Variants in TPBGL observed in about 807,000 individuals in gnomAD.
TPBGL encodes the protein trophoblast glycoprotein-like.
For synonymous variants in TPBGL, 380 were observed against 314.8 expected, an observed-to-expected ratio of 1.21 and a Z score of -2.19; for missense variants, 685 against 609.4, an observed-to-expected ratio of 1.12 and a Z score of -1.31.
At position 75,241,763 on chromosome 11, in the gene TPBGL, C is replaced by G. The variant is rs1489315652; in HGVS notation, c.714C>G (p.Cys238Trp). 12 of 1,305,254 alleles carry G rather than the reference C, an allele frequency of 9.2e-6. No homozygotes were observed. The African/African-American group carries it at 1.7e-4, about 19-fold the overall frequency. The allele number at this position is 1,305,254 out of a possible 1,614,324, so 80.9% of individuals were successfully genotyped here. A position where few individuals can be genotyped will look rare whatever the true frequency, so the allele number is the denominator to read the frequency against. Residue 238 changes from cysteine (C) to tryptophan (W), a missense_variant, in exon 1 of 1, where the codon TGC (cysteine) becomes TGG (tryptophan). Cys to Trp is a radical substitution (Grantham distance 215). Coordinates refer to ENST00000562197, the MANE Select transcript of TPBGL (RefSeq NM_001195528.2). ...RLLLADNPLR[C>W]GCAARPLLAW... Reference sequence around the variant, plus strand: ...TGCTCGCCGACAACCCCCTGCGCTGCGGCTGTGCCGCACGCCCCCTGCTGG... The same window carrying G: ...TGCTCGCCGACAACCCCCTGCGCTGGGGCTGTGCCGCACGCCCCCTGCTGG...
In TPBGL at chr11:75,241,030, T is replaced by G; in HGVS notation, c.-20T>G. Reference sequence around the variant, plus strand: ...CTGGTGAGCGCGGCGGCCCGGGCGCTGGATGCGGGGGCGGCCGCGATGGCC... The same window carrying G: ...CTGGTGAGCGCGGCGGCCCGGGCGCGGGATGCGGGGGCGGCCGCGATGGCC... On this transcript the variant is annotated 5_prime_UTR_variant, in exon 1 of 1. Transcript: ENST00000562197. 2.5e-6 allele frequency: 3 copies of G among 1,213,678 alleles called. No individual in the cohort carries two copies. Among genetic ancestry groups the G allele is most frequent in the Non-Finnish European group, 3.1e-6 (3 of 978,816 alleles). 75.2% of individuals were successfully genotyped at this position (1,213,678 alleles called of 1,614,324 possible). A position where few individuals can be genotyped will look rare whatever the true frequency, so the allele number is the denominator to read the frequency against.
Position 75,241,429 on chromosome 11 carries a change from A to G in TPBGL, c.380A>G (p.His127Arg). Residue 127 changes from histidine (H) to arginine (R), a missense_variant, in exon 1 of 1, where the codon CAC becomes CGC. Coordinates refer to ENST00000562197, the MANE Select transcript of TPBGL (RefSeq NM_001195528.2). ...AGCCTGGCGGCGCTCGACCTCAGCC[A>G]CAACCCGCTGCGCGCCCTGGGCGGC... ...LPSLAALDLS[H>R]NPLRALGGGA... 1 of 1,314,426 alleles carries G rather than the reference A, an allele frequency of 7.6e-7. No homozygotes were observed. The highest frequency in any genetic ancestry group is 2.0e-5 in the South Asian group (1 of 50,772). 81.4% of individuals were successfully genotyped at this position (1,314,426 alleles called of 1,614,324 possible).
rs935310672 is a variant in TPBGL, at chr11:75,241,965, G to C, written c.916G>C (p.Ala306Pro). The C allele has an allele frequency of 2.7e-5, 41 of 1,497,368 alleles. No individual in the cohort carries two copies. The highest frequency in any genetic ancestry group is 1.9e-4 in the African/African-American group (13 of 70,128). 92.8% of individuals were successfully genotyped at this position (1,497,368 alleles called of 1,614,324 possible). ...GGAGGCCGCCGGCCCGGAGCTGGAA[G>C]CCTCCTACGTGTTCTTCGGGCTGGT... The part of the protein sequence containing the change: ...EAEAAGPELE[A>P]SYVFFGLVLA... Residue 306 changes from alanine (A) to proline (P), a missense_variant, in exon 1 of 1, where the codon GCC becomes CCC. Coordinates refer to ENST00000562197, the MANE Select transcript of TPBGL (RefSeq NM_001195528.2).
At position 75,241,709 on chromosome 11, in the gene TPBGL, C is replaced by T. The variant is rs1480774996; in HGVS notation, c.660C>T (p.Arg220=). ...LDPDELRALE[R]DGGLPGPRLL... ...CCGACGAGCTGCGCGCGCTGGAGCG[C>T]GATGGCGGCCTCCCCGGGCCGCGCC... The change falls in exon 1 of 1, where the codon CGC becomes CGT. Residue 220 remains arginine, a synonymous_variant. Transcript: ENST00000562197. 7.9e-7 allele frequency: 1 copy of T among 1,265,268 alleles called. No homozygotes were observed. 78.4% of individuals were successfully genotyped at this position (1,265,268 alleles called of 1,614,324 possible). A position where few individuals can be genotyped will look rare whatever the true frequency, so the allele number is the denominator to read the frequency against.
rs1199447760 is a variant in TPBGL at position 75,241,500 on chromosome 11, C to G, written c.451C>G (p.His151Asp). 1.6e-6 allele frequency: 2 copies of G among 1,230,648 alleles called. No individual in the cohort carries two copies. The highest frequency in any genetic ancestry group is 9.0e-5 in the Admixed American group (2 of 22,346). 76.2% of individuals were successfully genotyped at this position (1,230,648 alleles called of 1,614,324 possible). A position where few individuals can be genotyped will look rare whatever the true frequency, so the allele number is the denominator to read the frequency against. Residue 151 changes from histidine (H) to aspartate (D), a missense_variant, in exon 1 of 1, where the codon CAC (histidine) becomes GAC (aspartate). Physicochemically the swap from His to Asp is moderately conservative, Grantham distance 81. Transcript: ENST00000562197. ...LPALRSLQLN[H>D]ALVRGGPALL... is the part of the protein sequence containing the mutation. The stretch of plus-strand genomic sequence containing the variant: ...CGCGCTGCGCTCGCTGCAGCTCAAC[C>G]ACGCGCTGGTGCGCGGCGGCCCCGC...
chr11:75,241,700 G>A lies in TPBGL; in HGVS notation c.651G>A (p.Ala217=), dbSNP rs1945600607. 2.4e-6 allele frequency: 3 copies of A among 1,267,226 alleles called. No homozygotes were observed. The highest frequency in any genetic ancestry group is 1.6e-5 in the African/African-American group (1 of 62,664). 78.5% of individuals were successfully genotyped at this position (1,267,226 alleles called of 1,614,324 possible). ...GCCTGGACCCCGACGAGCTGCGCGC[G>A]CTGGAGCGCGATGGCGGCCTCCCCG... ...LAGLDPDELR[A]LERDGGLPGP... Residue 217 remains alanine, a synonymous_variant, in exon 1 of 1, where the codon GCG becomes GCA. Transcript: ENST00000562197.
chr11:75,242,085 G>C lies in TPBGL; in HGVS notation c.1036G>C (p.Asp346His). ...WMRNLREACR[D>H]QMEGYHYRYE... Reference sequence around the variant, plus strand: ...GCGCAACCTGCGCGAGGCGTGCCGGGACCAGATGGAGGGCTACCACTACCG... The same window carrying C: ...GCGCAACCTGCGCGAGGCGTGCCGGCACCAGATGGAGGGCTACCACTACCG... The change falls in exon 1 of 1, where the codon GAC becomes CAC. Residue 346 changes from aspartate (D) to histidine (H), a missense_variant. Coordinates refer to ENST00000562197, the MANE Select transcript of TPBGL (RefSeq NM_001195528.2). 1 of 1,434,448 alleles carries C rather than the reference G, an allele frequency of 7.0e-7. No individual in the cohort carries two copies. The highest frequency in any genetic ancestry group is 9.2e-7 in the Non-Finnish European group (1 of 1,089,888). 88.9% of individuals were successfully genotyped at this position (1,434,448 alleles called of 1,614,324 possible).
chr11:75,241,410 G>A lies in TPBGL; in HGVS notation c.361G>A (p.Ala121Thr), dbSNP rs953992364. 2 of 1,358,702 alleles carry A rather than the reference G, an allele frequency of 1.5e-6. No individual in the cohort carries two copies. The highest frequency in any genetic ancestry group is 1.9e-6 in the Non-Finnish European group (2 of 1,056,426). 84.2% of individuals were successfully genotyped at this position (1,358,702 alleles called of 1,614,324 possible). Residue 121 changes from alanine to threonine, a missense_variant, in exon 1 of 1, where the codon GCG becomes ACG. Transcript: ENST00000562197. Reference sequence around the variant, plus strand: ...CGCCTTCGACGGGCTGCCCAGCCTGGCGGCGCTCGACCTCAGCCACAACCC... The same window carrying A: ...CGCCTTCGACGGGCTGCCCAGCCTGACGGCGCTCGACCTCAGCCACAACCC... ...DGAFDGLPSLAALDLSHNPLR... is the reference protein window; with the variant it reads ...DGAFDGLPSLTALDLSHNPLR...
In TPBGL at chr11:75,242,773, T is replaced by G. The variant is rs1404986170; in HGVS notation, c.*575T>G. The G allele has an allele frequency of 2.6e-5, 2 of 76,460 alleles. No homozygotes were observed. 4.7% of individuals were successfully genotyped at this position (76,460 alleles called of 1,614,324 possible). The stretch of plus-strand genomic sequence containing the variant: ...ATATATTTCATACCCCTGCCCCCCC[T>G]TCACCCACCCCCGCCTCTGGCTCAG... On this transcript the variant is annotated 3_prime_UTR_variant, in exon 1 of 1. Transcript: ENST00000562197.
chr11:75,241,025 G>C lies in TPBGL; in HGVS notation c.-25G>C. ...ACTCACTGGTGAGCGCGGCGGCCCG[G>C]GCGCTGGATGCGGGGGCGGCCGCGA... On this transcript the variant is annotated 5_prime_UTR_variant, in exon 1 of 1. Transcript: ENST00000562197. The C allele has an allele frequency of 2.5e-6, 3 of 1,212,420 alleles. No individual in the cohort carries two copies. The highest frequency in any genetic ancestry group is 3.1e-6 in the Non-Finnish European group (3 of 977,792). The allele number at this position is 1,212,420 out of a possible 1,614,324, so 75.1% of individuals were successfully genotyped here. A position where few individuals can be genotyped will look rare whatever the true frequency, so the allele number is the denominator to read the frequency against.
rs1379537891 is a variant in TPBGL, at chr11:75,241,899, C to T, written c.850C>T (p.Arg284Cys). ...ACTGGACCTGGACGGGGCGCGGCTTCGCTGCGCGGACAGCGGCGCCGACGC... is the reference window on the plus strand; with the variant it reads ...ACTGGACCTGGACGGGGCGCGGCTTTGCTGCGCGGACAGCGGCGCCGACGC... ...PLLDLDGARL[R>C]CADSGADARG... is the part of the protein sequence containing the mutation. The change falls in exon 1 of 1, where the codon CGC becomes TGC. Residue 284 changes from arginine to cysteine, a missense_variant. Coordinates refer to ENST00000562197, the MANE Select transcript of TPBGL (RefSeq NM_001195528.2). The T allele has an allele frequency of 2.0e-6, 3 of 1,472,742 alleles. No homozygotes were observed. Among genetic ancestry groups the T allele is most frequent in the African/African-American group, 1.5e-5 (1 of 68,432 alleles). 91.2% of individuals were successfully genotyped at this position (1,472,742 alleles called of 1,614,324 possible). A position where few individuals can be genotyped will look rare whatever the true frequency, so the allele number is the denominator to read the frequency against.
In TPBGL at chr11:75,241,004, A is replaced by T; in HGVS notation, c.-46A>T. 1 of 1,194,220 alleles carries T rather than the reference A, an allele frequency of 8.4e-7. No individual in the cohort carries two copies. Among genetic ancestry groups the T allele is most frequent in the Non-Finnish European group, 1.0e-6 (1 of 963,614 alleles). 74.0% of individuals were successfully genotyped at this position (1,194,220 alleles called of 1,614,324 possible). Reference sequence around the variant, plus strand: ...GCCCCCCACCAGGCGCTCCCAACTCACTGGTGAGCGCGGCGGCCCGGGCGC... The same window carrying T: ...GCCCCCCACCAGGCGCTCCCAACTCTCTGGTGAGCGCGGCGGCCCGGGCGC... On this transcript the variant is annotated 5_prime_UTR_variant, in exon 1 of 1. Coordinates refer to ENST00000562197, the MANE Select transcript of TPBGL (RefSeq NM_001195528.2).
In TPBGL at chr11:75,242,413, C is replaced by T. The variant is rs1052169379; in HGVS notation, c.*215C>T. ...GCCCACCCTAGTTTCCGAAACCTCCCTCCTGAACCACTGAAAGTCCGTTCC... is the reference window on the plus strand; with the variant it reads ...GCCCACCCTAGTTTCCGAAACCTCCTTCCTGAACCACTGAAAGTCCGTTCC... On this transcript the variant is annotated 3_prime_UTR_variant, in exon 1 of 1. Transcript: ENST00000562197. The T allele has an allele frequency of 1.2e-5, 5 of 408,716 alleles. No homozygotes were observed. Among genetic ancestry groups the T allele is most frequent in the Non-Finnish European group, 1.7e-5 (5 of 295,804 alleles). The allele number at this position is 408,716 out of a possible 1,614,324, so 25.3% of individuals were successfully genotyped here. A position where few individuals can be genotyped will look rare whatever the true frequency, so the allele number is the denominator to read the frequency against.
In TPBGL at chr11:75,241,282, TC is replaced by T; in HGVS notation, c.234del (p.Phe78LeufsTer19). 1 of 1,348,040 alleles carries T rather than the reference TC, an allele frequency of 7.4e-7. No individual in the cohort carries two copies. The highest frequency in any genetic ancestry group is 9.5e-7 in the Non-Finnish European group (1 of 1,056,696). The allele number at this position is 1,348,040 out of a possible 1,614,324, so 83.5% of individuals were successfully genotyped here. ...CTGACGGTGCTGCGCGCGGCCGCCTTCGCCGGCGGGGACGGGGACGGCGACC... is the reference window on the plus strand; with the variant it reads ...CTGACGGTGCTGCGCGCGGCCGCCTTGCCGGCGGGGACGGGGACGGCGACC... ...ANLTVLRAAA[F>X]AGGDGDGDQA... On this transcript the variant is annotated frameshift_variant, in exon 1 of 1. Coordinates refer to ENST00000562197, the MANE Select transcript of TPBGL (RefSeq NM_001195528.2). LOFTEE classifies it low-confidence loss of function (END_TRUNC).
At position 75,242,098 on chromosome 11, in the gene TPBGL, G is replaced by A. The variant is rs1304662598; in HGVS notation, c.1049G>A (p.Gly350Asp). The change falls in exon 1 of 1, where the codon GGC (glycine) becomes GAC (aspartate). Residue 350 changes from glycine to aspartate, a missense_variant. Physicochemically the swap from Gly to Asp is moderately conservative, Grantham distance 94. Transcript: ENST00000562197. The part of the protein sequence containing the change: ...LREACRDQME[G>D]YHYRYEQDAD... ...GAGGCGTGCCGGGACCAGATGGAGG[G>A]CTACCACTACCGCTACGAGCAGGAC... is the stretch of plus-strand genomic sequence containing the variant. 1.2e-5 allele frequency: 17 copies of A among 1,411,872 alleles called. No homozygotes were observed. The East Asian group carries it at 3.2e-4, about 26-fold the overall frequency. The allele number at this position is 1,411,872 out of a possible 1,614,324, so 87.5% of individuals were successfully genotyped here.
chr11:75,243,259 A>AG lies in TPBGL; in HGVS notation c.*1065dup, dbSNP rs1945615728. On this transcript the variant is annotated 3_prime_UTR_variant, in exon 1 of 1. Transcript: ENST00000562197. The stretch of plus-strand genomic sequence containing the variant: ...ATAGTGGGGCATCGTGGCCTCAGAG[A>AG]GGGGCAGGAAGTGGGGTCTGAAGGG... The AG allele has an allele frequency of 6.6e-6, 1 of 152,248 alleles. No homozygotes were observed. Among genetic ancestry groups the AG allele is most frequent in the South Asian group, 2.1e-4 (1 of 4,828 alleles). The allele number at this position is 152,248 out of a possible 1,614,324, so 9.4% of individuals were successfully genotyped here.
At position 75,241,361 on chromosome 11, in the gene TPBGL, C is replaced by T; in HGVS notation, c.312C>T (p.Asn104=). 1 of 1,375,512 alleles carries T rather than the reference C, an allele frequency of 7.3e-7. No individual in the cohort carries two copies. The highest frequency in any genetic ancestry group is 9.4e-7 in the Non-Finnish European group (1 of 1,066,888). 85.2% of individuals were successfully genotyped at this position (1,375,512 alleles called of 1,614,324 possible). The change falls in exon 1 of 1, where the codon AAC becomes AAT. Residue 104 remains asparagine (N), a synonymous_variant. Coordinates refer to ENST00000562197, the MANE Select transcript of TPBGL (RefSeq NM_001195528.2). ...PLLSALRLTH[N]HIEVVEDGAF... is the part of the protein sequence containing the mutation. ...TGAGCGCGCTGCGCCTCACGCACAA[C>T]CACATCGAGGTGGTGGAGGACGGCG...
In TPBGL at chr11:75,243,446, G is replaced by A. The variant is rs73490707; in HGVS notation, c.*1248G>A. On this transcript the variant is annotated 3_prime_UTR_variant, in exon 1 of 1. Transcript: ENST00000562197. ...TCCTGCCTCAGGCACAAGCCCTCCT[G>A]GTTCAGGGTCAGAAGCTCAGCACCT... is the stretch of plus-strand genomic sequence containing the variant. 6.6e-6 allele frequency: 1 copy of A among 152,316 alleles called. No individual in the cohort carries two copies. The highest frequency in any genetic ancestry group is 1.9e-4 in the East Asian group (1 of 5,186). 9.4% of individuals were successfully genotyped at this position (152,316 alleles called of 1,614,324 possible). A position where few individuals can be genotyped will look rare whatever the true frequency, so the allele number is the denominator to read the frequency against.
rs1215857814 is a variant in TPBGL, at chr11:75,241,401, C to G, written c.352C>G (p.Pro118Ala). 2 of 1,366,504 alleles carry G rather than the reference C, an allele frequency of 1.5e-6. No homozygotes were observed. Among genetic ancestry groups the G allele is most frequent in the South Asian group, 1.6e-5 (1 of 62,158 alleles). The allele number at this position is 1,366,504 out of a possible 1,614,324, so 84.6% of individuals were successfully genotyped here. ...GGAGGACGGCGCCTTCGACGGGCTG[C>G]CCAGCCTGGCGGCGCTCGACCTCAG... ...VVEDGAFDGLPSLAALDLSHN... is the reference protein window; with the variant it reads ...VVEDGAFDGLASLAALDLSHN... The change falls in exon 1 of 1, where the codon CCC becomes GCC. Residue 118 changes from proline to alanine, a missense_variant. Pro to Ala is a conservative substitution (Grantham distance 27, BLOSUM62 -1). Transcript: ENST00000562197.
Sources: allele counts gnomAD v4.1 joint callset, GRCh38; gene constraint gnomAD v4.1.1; transcripts MANE v1.5; gene names NCBI Gene and HGNC (gene_info 2026-07-23, HGNC 2026-07-21).